The following MED15 variants were observed in gnomAD, a reference collection of about 807,000 sequenced individuals.
MED15 encodes mediator complex subunit 15, also known as mediator of RNA polymerase II transcription subunit 15.
A neutral mutation model predicts 118.7 loss-of-function variants in MED15; 41 were observed. That is an observed-to-expected ratio of 0.35 (90% CI 0.27 to 0.45). MED15 has a LOEUF of 0.45. MED15 is among the 20% of genes least tolerant of loss of function. MED15 has a pLI of 1.00. For synonymous variants in MED15, 436 were observed against 413.9 expected, an observed-to-expected ratio of 1.05 and a Z score of -0.65; for missense variants, 740 against 1,025.5, an observed-to-expected ratio of 0.72 and a Z score of 3.80.
Position 20,587,573 on chromosome 22 carries a change from C to T in MED15, c.*869C>T, listed in dbSNP as rs1355903799. 5 of 418,902 alleles carry T rather than the reference C, an allele frequency of 1.2e-5. No homozygotes were observed. Among genetic ancestry groups the T allele is most frequent in the African/African-American group, 4.1e-5 (2 of 48,542 alleles). The allele number at this position is 418,902 out of a possible 1,614,324, so 25.9% of individuals were successfully genotyped here. ...AGAAGAGGTCCCCCCTTTTTATGTG[C>T]ACTACCCCACCATCTGTGATTATAA... On this transcript the variant is annotated 3_prime_UTR_variant, in exon 18 of 18. Coordinates refer to ENST00000263205, the MANE Select transcript of MED15 (RefSeq NM_001003891.3).
chr22:20,568,767 T>C (rs1601607230), intron 8 of MED15, 136 bp downstream of exon 8: 1 of 1,413,224 alleles, frequency 7.1e-7, no homozygotes, highest in Non-Finnish European at 9.5e-7. Context: ...TCTCTCCCCC[T>C]TGCACTCTGC....
rs765692849 is a variant in MED15, at chr22:20,584,977, C to T, written c.1926C>T (p.Phe642=). 25 of 1,613,902 alleles carry T rather than the reference C, an allele frequency of 1.5e-5. No individual in the cohort carries two copies. Among genetic ancestry groups the T allele is most frequent in the Middle Eastern group, 1.6e-4 (1 of 6,084 alleles). Residue 642 remains phenylalanine (F), a synonymous_variant, in exon 15 of 18, where the codon TTC becomes TTT. Transcript: ENST00000263205. ...TCAACCATTCCCTGTACCGCACATT[C>T]GTTCCAGCCATGACCGCCATTCACG... ...PVFNHSLYRT[F]VPAMTAIHGP...
chr22:20,525,875 C>A (rs754276982), intron 1 of MED15, among the ~76,000 whole-genome samples: 7 of 151,772 alleles, frequency 4.6e-5, no homozygotes, highest in Non-Finnish European at 1.0e-4. Flanking sequence ...CTGAGTATTT[C>A]TCTACGACAC....
At position 20,583,301 on chromosome 22, in the gene MED15, G is replaced by C. The variant is rs1385295618; in HGVS notation, c.1673-29G>C. On this transcript the variant is annotated intron_variant, in intron 12 of 17. Coordinates refer to ENST00000263205, the MANE Select transcript of MED15 (RefSeq NM_001003891.3). Reference sequence around the variant, plus strand: ...ACCCTGGGGACACCACCAGGCTTGTGTCTTAGTGTGTACCCTCTTCTGTCC... The same window carrying C: ...ACCCTGGGGACACCACCAGGCTTGTCTCTTAGTGTGTACCCTCTTCTGTCC... The C allele has an allele frequency of 3.1e-6, 5 of 1,613,642 alleles. No individual in the cohort carries two copies. The South Asian group carries it at 4.4e-5, about 14-fold the overall frequency.
At chr22:20,523,707 C>T (rs1403062578) in intron 1 of MED15, 7 of 985,316 alleles carry the variant, frequency 7.1e-6, no homozygotes, top group African/African-American at 3.5e-5. Flanking sequence ...CAGGCCAGCA[C>T]CAGGACAGAG....
intron 1 of MED15, among the ~76,000 whole-genome samples, chr22:20,517,266 T>C (rs2054286789): frequency 6.6e-6 from 1 of 152,126 alleles, no homozygotes; most frequent in Non-Finnish European, 1.5e-5. Flanking sequence ...CCCAGACTGT[T>C]TTAGTGGCTG....
intron 8 of MED15, among the ~76,000 whole-genome samples, chr22:20,570,738 CTTTCTTTCTTTTTTTTTTTT>C (rs2056623591): frequency 1.1e-5 from 1 of 90,988 alleles, no homozygotes; most frequent in Admixed American, 1.2e-4. Context: ...TTCTTTCTTT[CTTTCTTTCTTTTTTTTTTTT>C]TTTTTTTTTT....
At chr22:20,520,847 T>C (rs943574069) in intron 1 of MED15, among the ~76,000 whole-genome samples, 1 of 151,948 alleles carries the variant, frequency 6.6e-6, no homozygotes, top group Non-Finnish European at 1.5e-5. Flanking sequence ...TCAAGCAATC[T>C]TCCCACCTCA....
intron 1 of MED15, among the ~76,000 whole-genome samples, chr22:20,509,522 GGAA>G (rs1173973019): frequency 6.6e-6 from 1 of 151,672 alleles, no homozygotes; most frequent in Admixed American, 6.6e-5. Flanking sequence ...AACTGAAAGA[GGAA>G]GACAGATTCC....
chr22:20,534,067 G>A (rs138498000), intron 1 of MED15, among the ~76,000 whole-genome samples: 1 of 152,194 alleles, frequency 6.6e-6, no homozygotes, highest in African/African-American at 2.4e-5. Context: ...ATCGCTGCTG[G>A]TGGGCACAGA....
intron 2 of MED15, among the ~76,000 whole-genome samples, chr22:20,542,208 T>C (rs573672712): frequency 6.6e-6 from 1 of 152,344 alleles, no homozygotes; most frequent in East Asian, 1.9e-4. Flanking sequence ...CCCAGAAGTT[T>C]CACTCCCAGG....
chr22:20,545,347 C>T (rs12483842), intron 2 of MED15, among the ~76,000 whole-genome samples: 9,520 of 151,806 alleles, frequency 0.063, 652 homozygotes, highest in East Asian at 0.38. Flanking sequence ...GGGGTGACAG[C>T]GCATACCTGT....
rs141257501 is a variant in MED15 at position 20,517,656 on chromosome 22, G to A, written c.68+9910G>A. 1.9e-4 allele frequency among the ~76,000 whole-genome samples: 29 copies of A among 152,220 alleles called. 1 individual carries two copies. Among genetic ancestry groups the A allele is most frequent in the African/African-American group, 7.0e-4 (29 of 41,540 alleles). ...CAGGAGCTTGAATCAATCATTTCCT[G>A]CCTCTCAGGACTGCTGTAGCAGGGG... On this transcript the variant is annotated intron_variant, in intron 1 of 17. Transcript: ENST00000263205.
intron 2 of MED15, among the ~76,000 whole-genome samples, chr22:20,546,363 C>G (rs2055535708): frequency 6.6e-6 from 1 of 152,160 alleles, no homozygotes; most frequent in African/African-American, 2.4e-5. Context: ...TTGATATTCC[C>G]ATAAGACCAC....
intron 9 of MED15, 89 bp downstream of exon 9, chr22:20,575,321 C>G: frequency 6.8e-7 from 1 of 1,476,454 alleles, no homozygotes; most frequent in Non-Finnish European, 9.0e-7. Context: ...TTATCATCGC[C>G]GGTGACTTCT....
chr22:20,515,929 A>G lies in MED15; in HGVS notation c.68+8183A>G, dbSNP rs112577463. 2.7e-3 allele frequency among the ~76,000 whole-genome samples: 414 copies of G among 151,656 alleles called. 1 individual carries two copies. Among genetic ancestry groups the G allele is most frequent in the African/African-American group, 8.5e-3 (350 of 41,352 alleles). ...GAGGTAGGAGAATCGCTTGAACCTG[A>G]GAGGCGGAGGTTGCAGTGAGTCAAG... On this transcript the variant is annotated intron_variant, in intron 1 of 17. Coordinates refer to ENST00000263205, the MANE Select transcript of MED15 (RefSeq NM_001003891.3).
At chr22:20,584,249 G>A in intron 13 of MED15, 110 bp from the exon 14 acceptor site, 1 of 1,086,456 alleles carries the variant, frequency 9.2e-7, no homozygotes, top group Non-Finnish European at 1.4e-6. Flanking sequence ...ACTGGTAGGA[G>A]CTCCTGCAGA....
intron 5 of MED15, among the ~76,000 whole-genome samples, chr22:20,561,303 G>A (rs1178967797): frequency 1.3e-5 from 2 of 152,128 alleles, no homozygotes; most frequent in South Asian, 2.1e-4. Context: ...GGCAGATCAC[G>A]AGGTCAGGAG....
chr22:20,553,074 C>A, intron 3 of MED15, 71 bp from the exon 4 acceptor site: 1 of 1,447,430 alleles, frequency 6.9e-7, no homozygotes, highest in Non-Finnish European at 9.7e-7. Context: ...ACAGAACTGA[C>A]CTACCCATGG....
Sources: allele counts gnomAD v4.1 joint callset (sites outside exome capture counted in the v4.1 genomes callset), GRCh38; gene constraint gnomAD v4.1.1; transcripts MANE v1.5; gene names NCBI Gene and HGNC (gene_info 2026-07-23, HGNC 2026-07-21).